Variants in SSBP2 observed in about 807,000 individuals in gnomAD.
The protein encoded by SSBP2 is single stranded DNA binding protein 2.
Under a neutral mutation model 61.8 loss-of-function variants are expected in SSBP2, and 17 were observed. The ratio of observed to expected loss-of-function variants is 0.28; its 90% confidence interval spans 0.19 to 0.41. The LOEUF is 0.41. SSBP2 is among the 10% of genes least tolerant of loss of function. SSBP2 has a pLI of 1.00. For synonymous variants in SSBP2, 139 were observed against 141.3 expected, an observed-to-expected ratio of 0.98 and a Z score of 0.12; for missense variants, 310 against 458.7, an observed-to-expected ratio of 0.68 and a Z score of 2.96.
chr5:81,522,354 A>G (rs1337691868), intron 4 of SSBP2, among the ~76,000 whole-genome samples: 5 of 152,036 alleles, frequency 3.3e-5, no homozygotes, highest in African/African-American at 1.2e-4. Context: ...CTGTAGGTGA[A>G]TAAATAGTAT....
intron 10 of SSBP2, among the ~76,000 whole-genome samples, chr5:81,454,147 A>G (rs1289012830): frequency 2.6e-5 from 4 of 152,146 alleles, no homozygotes; most frequent in African/African-American, 9.7e-5. Context: ...GAGGGAGTGG[A>G]AGTATGGGAG....
chr5:81,691,727 T>C (rs369982106), intron 1 of SSBP2, among the ~76,000 whole-genome samples: 29 of 152,208 alleles, frequency 1.9e-4, no homozygotes, highest in East Asian at 5.8e-4. Context: ...CTGGTATTAC[T>C]CTGATACCAA....
At chr5:81,584,015 A>C (rs1479588734) in intron 4 of SSBP2, among the ~76,000 whole-genome samples, 1 of 152,246 alleles carries the variant, frequency 6.6e-6, no homozygotes, top group Non-Finnish European at 1.5e-5. Flanking sequence ...ATACAGTTGA[A>C]TTAGTTAGAA....
intron 1 of SSBP2, 193 bp downstream of exon 1, chr5:81,750,788 G>T: frequency 1.6e-6 from 1 of 617,170 alleles, no homozygotes; most frequent in Non-Finnish European, 2.7e-6. Flanking sequence ...GCGGCCGCCC[G>T]CCCAGCGCCC....
chr5:81,578,805 TC>T (rs1646654873), intron 4 of SSBP2, among the ~76,000 whole-genome samples: 2 of 152,100 alleles, frequency 1.3e-5, no homozygotes, highest in African/African-American at 4.8e-5. Context: ...AGACTTCTGT[TC>T]TTTAGTAGCT....
At chr5:81,689,978 T>C (rs565060124) in intron 1 of SSBP2, among the ~76,000 whole-genome samples, 1 of 152,232 alleles carries the variant, frequency 6.6e-6, no homozygotes, top group South Asian at 2.1e-4. Flanking sequence ...GTAGAGTTTT[T>C]ACTAGTTTTC....
intron 4 of SSBP2, among the ~76,000 whole-genome samples, chr5:81,570,604 C>T (rs981078368): frequency 6.6e-6 from 1 of 152,174 alleles, no homozygotes; most frequent in African/African-American, 2.4e-5. Context: ...GGGCGTCTGC[C>T]TGAGGAAGCA....
chr5:81,708,445 T>A (rs771112070), intron 1 of SSBP2, among the ~76,000 whole-genome samples: 20 of 152,162 alleles, frequency 1.3e-4, no homozygotes, highest in Non-Finnish European at 1.5e-4. Flanking sequence ...TTTAATGAGT[T>A]AATTGAAAAG....
chr5:81,679,074 A>G (rs912113873), intron 1 of SSBP2, among the ~76,000 whole-genome samples: 3 of 152,246 alleles, frequency 2.0e-5, no homozygotes, highest in African/African-American at 4.8e-5. Context: ...CAAAGGCACA[A>G]TCTCAGCTAA....
intron 5 of SSBP2, among the ~76,000 whole-genome samples, chr5:81,493,904 A>G (rs1252932629): frequency 1.3e-5 from 2 of 152,154 alleles, no homozygotes; most frequent in Non-Finnish European, 2.9e-5. Context: ...TGCTCATCAA[A>G]TATTTATTAA....
At chr5:81,543,097 C>T (rs565225725) in intron 4 of SSBP2, among the ~76,000 whole-genome samples, 10 of 152,200 alleles carry the variant, frequency 6.6e-5, no homozygotes, top group East Asian at 5.8e-4. Context: ...TCAGGTAATC[C>T]GCCTGCTTCG....
At chr5:81,659,733 G>A (rs1750527468) in intron 1 of SSBP2, among the ~76,000 whole-genome samples, 1 of 152,074 alleles carries the variant, frequency 6.6e-6, no homozygotes. Context: ...AAAGAACTAA[G>A]CTGGAGGCAT....
At chr5:81,624,552 A>G (rs1282958901) in intron 3 of SSBP2, among the ~76,000 whole-genome samples, 2 of 152,172 alleles carry the variant, frequency 1.3e-5, no homozygotes, top group Non-Finnish European at 2.9e-5. Context: ...TTGGCACTCA[A>G]AAGTTTTAGA....
intron 9 of SSBP2, among the ~76,000 whole-genome samples, chr5:81,466,390 A>G (rs1764892084): frequency 6.6e-6 from 1 of 152,022 alleles, no homozygotes; most frequent in African/African-American, 2.4e-5. Context: ...ATGTGTCTGG[A>G]ATTTTTCAAA....
chr5:81,541,116 A>G (rs777943539), intron 4 of SSBP2, among the ~76,000 whole-genome samples: 1 of 152,136 alleles, frequency 6.6e-6, no homozygotes, highest in Non-Finnish European at 1.5e-5. Context: ...ATTTCTATAT[A>G]CTAATCATGT....
intron 4 of SSBP2, among the ~76,000 whole-genome samples, chr5:81,521,126 A>G (rs1334042157): frequency 6.6e-6 from 1 of 152,036 alleles, no homozygotes; most frequent in Non-Finnish European, 1.5e-5. Flanking sequence ...TCAGAAAAAA[A>G]ACTTTCTTTA....
chr5:81,655,472 T>A (rs1241659091), intron 1 of SSBP2, among the ~76,000 whole-genome samples: 1 of 151,630 alleles, frequency 6.6e-6, no homozygotes, highest in Non-Finnish European at 1.5e-5. Flanking sequence ...GGATCATACA[T>A]CTTTAAATTA....
At chr5:81,445,138 T>TTATATATATATATATATA (rs1160080305) in intron 12 of SSBP2, among the ~76,000 whole-genome samples, 29 of 33,870 alleles carry the variant, frequency 8.6e-4, no homozygotes, top group South Asian at 1.4e-3. Flanking sequence ...AAAAAAAATT[T>TTATATATATATATATATA]TATATATATA....
chr5:81,751,233 G>T (rs553663839), upstream of SSBP2: 16 of 606,766 alleles, frequency 2.6e-5, no homozygotes, highest in East Asian at 4.4e-4. Flanking sequence ...GCCTTCCGAA[G>T]CGCGCGGTGG....
Sources: gnomAD v4.1 joint callset for allele counts (sites outside exome capture counted in the v4.1 genomes callset) on GRCh38, gnomAD v4.1.1 for gene constraint, MANE v1.5 for transcripts, NCBI Gene and HGNC (gene_info 2026-07-23, HGNC 2026-07-21) for gene names.